DGKI: variants seen among roughly 807,000 people sequenced by gnomAD.
DGKI encodes the protein diacylglycerol kinase iota.
In DGKI, 55 loss-of-function variants were observed where a neutral mutation model predicts 147.5. The ratio of observed to expected loss-of-function variants is 0.37; its 90% CI spans 0.30 to 0.47. The LOEUF is 0.47. Ranked by LOEUF, DGKI falls within the 20% of genes least tolerant of loss-of-function variation. The pLI is 1.00. For missense variants in DGKI, 1,007 were observed against 1,323.8 expected (o/e 0.76, Z 3.71); for synonymous variants, 469 against 477.1 (o/e 0.98, Z 0.22).
chr7:137,536,779 G>A (rs1817533341), intron 20 of DGKI, among the ~76,000 whole-genome samples: 1 of 152,126 alleles, frequency 6.6e-6, no homozygotes, highest in African/African-American at 2.4e-5. Context: ...GGAGGAAGAC[G>A]CTCTGGCTAC....
At chr7:137,659,122 T>C (rs934544106) in intron 3 of DGKI, among the ~76,000 whole-genome samples, 1 of 152,188 alleles carries the variant, frequency 6.6e-6, no homozygotes, top group Admixed American at 6.5e-5. Flanking sequence ...TCTGTTTGGG[T>C]AGAGCTCCTT....
intron 30 of DGKI, among the ~76,000 whole-genome samples, chr7:137,399,746 C>T (rs1811681740): frequency 6.6e-6 from 1 of 152,028 alleles, no homozygotes; most frequent in African/African-American, 2.4e-5. Context: ...CCCGTCTCTA[C>T]TAAAAATACA....
chr7:137,751,751 T>A (rs2116759569), intron 1 of DGKI, among the ~76,000 whole-genome samples: 1 of 152,290 alleles, frequency 6.6e-6, no homozygotes, highest in African/African-American at 2.4e-5. Context: ...TGTGCTATTG[T>A]AACACAAAAG....
chr7:137,420,132 C>T (rs753374892), intron 28 of DGKI, among the ~76,000 whole-genome samples: 2 of 152,192 alleles, frequency 1.3e-5, no homozygotes, highest in Non-Finnish European at 2.9e-5. Flanking sequence ...TGGATCCTCT[C>T]ATGTGGGATT....
At chr7:137,653,986 A>T (rs904234122) in intron 5 of DGKI, among the ~76,000 whole-genome samples, 2 of 152,168 alleles carry the variant, frequency 1.3e-5, no homozygotes, top group Non-Finnish European at 2.9e-5. Flanking sequence ...AGAATAACAC[A>T]GGAGGGTTCT....
chr7:137,687,902 G>A (rs1220995143), intron 2 of DGKI, among the ~76,000 whole-genome samples: 1 of 151,964 alleles, frequency 6.6e-6, no homozygotes, highest in Non-Finnish European at 1.5e-5. Context: ...GAAGAGGGAG[G>A]GATAAAAGAT....
At chr7:137,775,057 TA>T (rs1283877941) in intron 1 of DGKI, 3 of 151,998 alleles carry the variant, frequency 2.0e-5, no homozygotes, top group East Asian at 1.9e-4. Context: ...TTTTTATTAT[TA>T]TTTTTTTTAA....
At chr7:137,447,721 T>A (rs1283134737) in intron 27 of DGKI, among the ~76,000 whole-genome samples, 1 of 152,222 alleles carries the variant, frequency 6.6e-6, no homozygotes, top group Non-Finnish European at 1.5e-5. Flanking sequence ...CCCGGTGAAG[T>A]ACTTGCAATT....
At chr7:137,799,465 A>C (rs1797130199) in intron 1 of DGKI, among the ~76,000 whole-genome samples, 1 of 152,216 alleles carries the variant, frequency 6.6e-6, no homozygotes, top group African/African-American at 2.4e-5. Context: ...AATATACAAA[A>C]GTGTACACTT....
intron 20 of DGKI, among the ~76,000 whole-genome samples, chr7:137,543,998 T>C (rs939815205): frequency 6.6e-6 from 1 of 152,202 alleles, no homozygotes; most frequent in Non-Finnish European, 1.5e-5. Context: ...ATCTATGACA[T>C]GTAATATTCA....
At chr7:137,506,445 TG>T (rs1816371182) in intron 21 of DGKI, among the ~76,000 whole-genome samples, 1 of 152,082 alleles carries the variant, frequency 6.6e-6, no homozygotes, top group Admixed American at 6.6e-5. Context: ...GCCAAGGGCT[TG>T]GGAGAGGAAG....
intron 11 of DGKI, among the ~76,000 whole-genome samples, chr7:137,599,067 T>TA (rs1254604019): frequency 1.3e-5 from 2 of 152,182 alleles, no homozygotes; most frequent in Admixed American, 1.3e-4. Flanking sequence ...TGTTACTTAT[T>TA]AAAAAATAAG....
At chr7:137,501,879 T>C (rs1816185239) in intron 21 of DGKI, among the ~76,000 whole-genome samples, 2 of 152,098 alleles carry the variant, frequency 1.3e-5, no homozygotes, top group Admixed American at 6.6e-5. Flanking sequence ...TTCCCACATG[T>C]TGTGGGAGGG....
At chr7:137,414,577 T>C (rs1036312193) in intron 28 of DGKI, among the ~76,000 whole-genome samples, 3 of 151,750 alleles carry the variant, frequency 2.0e-5, no homozygotes, top group African/African-American at 7.3e-5. Context: ...AGGGTCTCAC[T>C]CTTCCTTTTA....
At chr7:137,458,263 G>C (rs185174929) in intron 27 of DGKI, among the ~76,000 whole-genome samples, 1 of 152,208 alleles carries the variant, frequency 6.6e-6, no homozygotes, top group Admixed American at 6.5e-5. Flanking sequence ...GAAATCCTCT[G>C]CCAATCATAA....
In DGKI at chr7:137,412,051, C is replaced by G. The variant is rs575901529; in HGVS notation, c.2799+119G>C. 6.9e-5 allele frequency: 67 copies of G among 978,100 alleles called. 1 individual carries two copies. The South Asian group carries it at 8.7e-4, about 13-fold the overall frequency. The allele number at this position is 978,100 out of a possible 1,614,324, so 60.6% of individuals were successfully genotyped here. On this transcript the variant is annotated intron_variant, in intron 29 of 32. Transcript: ENST00000614521. Reference sequence around the variant, plus strand: ...CAAAAGAACATCCTGCCTCTTCTACCCAGCCAGTGCAAGCAGGGGATGATA... The same window carrying G: ...CAAAAGAACATCCTGCCTCTTCTACGCAGCCAGTGCAAGCAGGGGATGATA...
At chr7:137,391,374 G>T in intron 32 of DGKI, 38 bp from the exon 33 acceptor site, 1 of 1,380,664 alleles carries the variant, frequency 7.2e-7, no homozygotes, top group Non-Finnish European at 9.9e-7. Context: ...AAGAGAGAGA[G>T]AGATAGACAC....
At chr7:137,629,177 AAC>A (rs1334517340) in intron 6 of DGKI, among the ~76,000 whole-genome samples, 2 of 152,172 alleles carry the variant, frequency 1.3e-5, no homozygotes, top group Non-Finnish European at 2.9e-5. Flanking sequence ...TTTATCTTAA[AAC>A]ACAGAACTCC....
At chr7:137,534,814 GTTC>G (rs1817462664) in intron 20 of DGKI, among the ~76,000 whole-genome samples, 1 of 152,082 alleles carries the variant, frequency 6.6e-6, no homozygotes, top group South Asian at 2.1e-4. Context: ...GTAAGTTGAA[GTTC>G]TAACCCATAG....
Sources: gnomAD v4.1 joint callset for allele counts (sites outside exome capture counted in the v4.1 genomes callset) on GRCh38, gnomAD v4.1.1 for gene constraint, MANE v1.5 for transcripts, NCBI Gene and HGNC (gene_info 2026-07-23, HGNC 2026-07-21) for gene names.